The following SYNJ1 variants were observed in gnomAD, a reference collection of about 807,000 sequenced individuals.
The protein encoded by SYNJ1 is polyphosphatidylinositol phosphatase SYNJ1.
Under a neutral mutation model 168.2 loss-of-function variants are expected in SYNJ1, and 78 were observed. That is an observed-to-expected ratio of 0.46 (90% CI 0.39 to 0.56). The LOEUF (loss-of-function observed/expected upper bound fraction) is 0.56, where lower values mean the gene tolerates loss of function less well. Ranked by LOEUF, SYNJ1 falls within the 20% of genes least tolerant of loss-of-function variation. The probability of loss-of-function intolerance (pLI) is 0.00; values close to 1 mark genes in which losing one functional copy is unlikely to be tolerated. For synonymous variants in SYNJ1, 539 were observed against 548.6 expected (o/e 0.98, Z 0.24); for missense variants, 1,303 against 1,597.6 (o/e 0.82, Z 3.14).
chr21:32,642,108 C>T lies in SYNJ1; in HGVS notation c.3504G>A (p.Arg1168=). ...AAGTGTTTTTACCTATATTATCTTT[C>T]CTTGTTGTTCCAGGGCTTTTGGGTG... ...MEAPKSPGTT[R]KDNIGRSQPS... The change falls in exon 28 of 33, where the codon AGG becomes AGA. Residue 1168 remains arginine (R), a synonymous_variant. Coordinates refer to ENST00000674351, the MANE Select transcript of SYNJ1 (RefSeq NM_203446.3). The T allele has an allele frequency of 6.2e-7, 1 of 1,614,102 alleles. No individual in the cohort carries two copies. The highest frequency in any genetic ancestry group is 8.5e-7 in the Non-Finnish European group (1 of 1,180,022).
chr21:32,632,689 C>A, intron 32 of SYNJ1, among the ~76,000 whole-genome samples: 1 of 152,148 alleles, frequency 6.6e-6, no homozygotes, highest in Non-Finnish European at 1.5e-5. Context: ...CCCGGCACAG[C>A]TGACTTTTAA....
At chr21:32,666,812 A>G (rs2040952351) in intron 15 of SYNJ1, among the ~76,000 whole-genome samples, 1 of 152,172 alleles carries the variant, frequency 6.6e-6, no homozygotes, top group Non-Finnish European at 1.5e-5. Context: ...ATGGCTACTC[A>G]CTGGGTGAGT....
At chr21:32,709,565 T>C (rs2146291380) in intron 2 of SYNJ1, among the ~76,000 whole-genome samples, 1 of 146,914 alleles carries the variant, frequency 6.8e-6, no homozygotes, top group African/African-American at 2.5e-5. Flanking sequence ...TCACCTAGGC[T>C]AGAGTGCAGT....
intron 2 of SYNJ1, among the ~76,000 whole-genome samples, chr21:32,724,181 G>A (rs1175696443): frequency 1.3e-5 from 2 of 152,048 alleles, no homozygotes; most frequent in Non-Finnish European, 2.9e-5. Context: ...GTTACACTTT[G>A]CTTTAATATA....
chr21:32,700,198 T>G, intron 3 of SYNJ1, 93 bp from the exon 4 acceptor site: 1 of 1,402,320 alleles, frequency 7.1e-7, no homozygotes, highest in Non-Finnish European at 9.6e-7. Flanking sequence ...AATCTGACAT[T>G]GTGATTATTT....
At chr21:32,675,662 CA>C (rs2041378902) in intron 13 of SYNJ1, among the ~76,000 whole-genome samples, 2 of 152,142 alleles carry the variant, frequency 1.3e-5, no homozygotes, top group African/African-American at 4.8e-5. Flanking sequence ...TTCCTTTTGC[CA>C]CAGATTCATG....
In SYNJ1 at chr21:32,657,845, C is replaced by T. The variant is rs762956275; in HGVS notation, c.2332G>A (p.Val778Ile). The part of the protein sequence containing the change: ...QVFRGFLEGK[V>I]TFAPTYKYDL... ...TACTTATATGTCGGAGCAAAGGTTA[C>T]CTTTCCTTCTAAAAATCCTCTAAAA... is the stretch of plus-strand genomic sequence containing the variant. The change falls in exon 19 of 33, where the codon GTA becomes ATA. Residue 778 changes from valine to isoleucine, a missense_variant. Val to Ile is a conservative substitution (Grantham distance 29, BLOSUM62 3). This residue lies in a region of SYNJ1 where 920 missense variants were observed against 1,208.8 expected (regional missense o/e 0.76). Transcript: ENST00000674351. 13 of 1,609,612 alleles carry T rather than the reference C, an allele frequency of 8.1e-6. No individual in the cohort carries two copies. Among genetic ancestry groups the T allele is most frequent in the Admixed American group, 1.7e-5 (1 of 58,570 alleles).
chr21:32,704,275 A>C (rs1471187416), intron 2 of SYNJ1, among the ~76,000 whole-genome samples: 1 of 152,164 alleles, frequency 6.6e-6, no homozygotes, highest in Non-Finnish European at 1.5e-5. Context: ...GACACTCAGG[A>C]AACAGGATAC....
chr21:32,635,257 T>C (rs544821298), intron 31 of SYNJ1, among the ~76,000 whole-genome samples: 1 of 152,244 alleles, frequency 6.6e-6, no homozygotes, highest in African/African-American at 2.4e-5. Context: ...TGTGTGATGG[T>C]ATTTGGAGGT....
chr21:32,668,737 A>G (rs2041060262), intron 15 of SYNJ1, among the ~76,000 whole-genome samples: 1 of 152,230 alleles, frequency 6.6e-6, no homozygotes, highest in Non-Finnish European at 1.5e-5. Context: ...CCTCACTCAT[A>G]TAATTTGTAT....
chr21:32,673,634 A>G (rs755391085), intron 13 of SYNJ1, 103 bp from the exon 14 acceptor site: 313 of 1,022,152 alleles, frequency 3.1e-4, no homozygotes, highest in Non-Finnish European at 3.9e-4. Flanking sequence ...CACAATTATT[A>G]TCACAAGCAC....
At chr21:32,722,371 G>A (rs2146392727) in intron 2 of SYNJ1, among the ~76,000 whole-genome samples, 1 of 151,938 alleles carries the variant, frequency 6.6e-6, no homozygotes, top group East Asian at 1.9e-4. Flanking sequence ...CCAACATGGT[G>A]AAGCCCCATC....
intron 2 of SYNJ1, among the ~76,000 whole-genome samples, chr21:32,723,531 G>A (rs920217395): frequency 3.9e-5 from 6 of 152,112 alleles, no homozygotes; most frequent in Admixed American, 6.5e-5. Context: ...AGAAGTATGC[G>A]TCTTGGCTGC....
At chr21:32,643,135 C>T (rs2039913368) in intron 27 of SYNJ1, among the ~76,000 whole-genome samples, 1 of 152,068 alleles carries the variant, frequency 6.6e-6, no homozygotes, top group East Asian at 1.9e-4. Flanking sequence ...ACAGTAATTT[C>T]ACAACCTGGG....
intron 10 of SYNJ1, 41 bp downstream of exon 10, chr21:32,683,997 C>G (rs1270926783): frequency 1.9e-6 from 3 of 1,546,226 alleles, no homozygotes; most frequent in Non-Finnish European, 2.7e-6. Context: ...CTTAAAGAGG[C>G]AGATGATACA....
chr21:32,669,002 T>C (rs1215320549), intron 15 of SYNJ1, among the ~76,000 whole-genome samples: 2 of 152,006 alleles, frequency 1.3e-5, no homozygotes, highest in Admixed American at 1.3e-4. Context: ...AAAAAAAAAA[T>C]GCCACTTCGC....
At chr21:32,696,298 G>GT (rs111635158) in intron 4 of SYNJ1, among the ~76,000 whole-genome samples, 2 of 152,312 alleles carry the variant, frequency 1.3e-5, no homozygotes, top group African/African-American at 4.8e-5. Flanking sequence ...AGCATTCTAG[G>GT]TAACAGATGT....
At chr21:32,671,767 G>A (rs2041198259) in intron 14 of SYNJ1, among the ~76,000 whole-genome samples, 1 of 151,980 alleles carries the variant, frequency 6.6e-6, no homozygotes, top group African/African-American at 2.4e-5. Flanking sequence ...AGTAAGAAAG[G>A]GCATTTTAGG....
At chr21:32,648,742 G>C (rs1223941431) in intron 23 of SYNJ1, among the ~76,000 whole-genome samples, 2 of 152,128 alleles carry the variant, frequency 1.3e-5, no homozygotes, top group Non-Finnish European at 2.9e-5. Flanking sequence ...AAATGCCCAT[G>C]CTTTGCAGGC....
Sources: allele counts gnomAD v4.1 joint callset (sites outside exome capture counted in the v4.1 genomes callset), GRCh38; gene constraint gnomAD v4.1.1; regional missense constraint gnomAD v4.1.1; transcripts MANE v1.5; gene names NCBI Gene and HGNC (gene_info 2026-07-23, HGNC 2026-07-21).